Variants in THSD7B observed in about 807,000 individuals in gnomAD.
THSD7B encodes thrombospondin type-1 domain-containing protein 7B.
Under a neutral mutation model 213.6 loss-of-function variants are expected in THSD7B, and 138 were observed. The observed-to-expected ratio is 0.65, with a 90% CI of 0.56 to 0.74. The LOEUF (loss-of-function observed/expected upper bound fraction) is 0.74. THSD7B is among the 30% of genes least tolerant of loss of function. THSD7B has a pLI of 0.00. For missense variants in THSD7B, 1,931 were observed against 1,991.5 expected, an observed-to-expected ratio of 0.97 and a Z score of 0.58; for synonymous variants, 742 against 687.0, an observed-to-expected ratio of 1.08 and a Z score of -1.25.
intron 17 of THSD7B, among the ~76,000 whole-genome samples, chr2:137,591,671 C>T (rs112293568): frequency 4.6e-5 from 7 of 151,952 alleles, no homozygotes; most frequent in African/African-American, 1.4e-4. Flanking sequence ...AGTTGTAGAA[C>T]GACAGCAGTC....
chr2:136,939,371 G>A (rs13391110), intron 2 of THSD7B, among the ~76,000 whole-genome samples: 3,138 of 152,200 alleles, frequency 0.021, 47 homozygotes, highest in Middle Eastern at 0.071. Context: ...AACCTTCCCC[G>A]AAACACAAAT....
intron 12 of THSD7B, among the ~76,000 whole-genome samples, chr2:137,372,445 T>G (rs1176275735): frequency 3.4e-5 from 5 of 149,190 alleles, no homozygotes; most frequent in Non-Finnish European, 7.4e-5. Flanking sequence ...CCGAGGTGGT[T>G]GAGTTACAAC....
intron 12 of THSD7B, among the ~76,000 whole-genome samples, chr2:137,339,651 T>C (rs917613310): frequency 6.6e-6 from 1 of 151,628 alleles, no homozygotes; most frequent in African/African-American, 2.4e-5. Flanking sequence ...GTCATCATCA[T>C]GTGACTCTAG....
intron 27 of THSD7B, among the ~76,000 whole-genome samples, chr2:137,675,909 C>T (rs544399240): frequency 4.6e-5 from 7 of 152,294 alleles, no homozygotes; most frequent in Non-Finnish European, 7.4e-5. Flanking sequence ...TGCCCCATAT[C>T]TTGGGCATCA....
intron 2 of THSD7B, among the ~76,000 whole-genome samples, chr2:137,001,512 A>G (rs1202348658): frequency 6.6e-6 from 1 of 152,130 alleles, no homozygotes; most frequent in Non-Finnish European, 1.5e-5. Context: ...AGACCAATTA[A>G]TTGGTTTTGA....
intron 12 of THSD7B, among the ~76,000 whole-genome samples, chr2:137,365,562 C>T (rs1362318320): frequency 1.3e-5 from 2 of 152,014 alleles, no homozygotes; most frequent in African/African-American, 4.8e-5. Context: ...TCAAACAACC[C>T]ATCAAAAAGT....
intron 15 of THSD7B, among the ~76,000 whole-genome samples, chr2:137,558,466 G>A (rs374523982): frequency 1.1e-4 from 16 of 152,070 alleles, no homozygotes; most frequent in Middle Eastern, 3.4e-3. Flanking sequence ...CAAAAACCAC[G>A]TGATTATCTC....
intron 2 of THSD7B, among the ~76,000 whole-genome samples, chr2:136,893,362 T>C (rs894335778): frequency 6.6e-6 from 1 of 152,264 alleles, no homozygotes; most frequent in African/African-American, 2.4e-5. Flanking sequence ...GGTGAAATTA[T>C]TGGTGGAGAA....
At chr2:136,930,727 TG>T (rs1684613630) in intron 2 of THSD7B, among the ~76,000 whole-genome samples, 1 of 152,184 alleles carries the variant, frequency 6.6e-6, no homozygotes, top group African/African-American at 2.4e-5. Flanking sequence ...AGCCAGTCTT[TG>T]TGTCTGCTCA....
At chr2:137,007,353 A>T (rs961363765) in intron 2 of THSD7B, among the ~76,000 whole-genome samples, 3 of 152,164 alleles carry the variant, frequency 2.0e-5, no homozygotes, top group Non-Finnish European at 4.4e-5. Context: ...GGGATGTTTA[A>T]ATTACACCAT....
intron 3 of THSD7B, among the ~76,000 whole-genome samples, chr2:137,077,899 C>T (rs1687664604): frequency 6.6e-6 from 1 of 152,104 alleles, no homozygotes; most frequent in Non-Finnish European, 1.5e-5. Context: ...AAGTCCTTGT[C>T]CATGCCTATG....
At chr2:137,620,473 A>C (rs1284818802) in intron 19 of THSD7B, 136 bp from the exon 20 acceptor site, 4 of 606,188 alleles carry the variant, frequency 6.6e-6, no homozygotes, top group Admixed American at 3.2e-5. Context: ...AATTTATATA[A>C]GAAAGGATAT....
chr2:137,057,185 G>T lies in THSD7B; in HGVS notation c.905G>T (p.Arg302Leu). The T allele has an allele frequency of 6.2e-7, 1 of 1,613,764 alleles. No individual in the cohort carries two copies. Among genetic ancestry groups the T allele is most frequent in the Non-Finnish European group, 8.5e-7 (1 of 1,179,808 alleles). The change falls in exon 3 of 28, where the codon CGG (arginine) becomes CTG (leucine). Residue 302 changes from arginine (R) to leucine (L), a missense_variant. Arg to Leu is a moderately radical substitution (Grantham distance 102). Transcript: ENST00000409968. The part of the protein sequence containing the change: ...SWAIEIGYQT[R>L]QVSCTRSDGQ... ...GCAATAGAGATAGGTTATCAAACCC[G>T]GCAGGTTTCGTGTACAAGAAGTGAT...
chr2:137,114,522 G>A (rs114267556), intron 4 of THSD7B, among the ~76,000 whole-genome samples: 1,886 of 152,264 alleles, frequency 0.012, 30 homozygotes, highest in African/African-American at 0.041. Context: ...CAGTATGGCT[G>A]CATATGTAAA....
At chr2:137,494,156 A>G (rs1679505947) in intron 15 of THSD7B, among the ~76,000 whole-genome samples, 1 of 152,206 alleles carries the variant, frequency 6.6e-6, no homozygotes, top group Non-Finnish European at 1.5e-5. Context: ...TTCCTGTGGA[A>G]AATAGCTTAC....
intron 27 of THSD7B, among the ~76,000 whole-genome samples, chr2:137,669,586 A>T (rs1288320722): frequency 6.6e-6 from 1 of 152,240 alleles, no homozygotes; most frequent in East Asian, 1.9e-4. Context: ...TAAAACAAGG[A>T]GGAAATTTCT....
At chr2:137,090,721 A>G (rs1687934476) in intron 3 of THSD7B, among the ~76,000 whole-genome samples, 1 of 152,200 alleles carries the variant, frequency 6.6e-6, no homozygotes, top group Non-Finnish European at 1.5e-5. Flanking sequence ...ATTTTCTACG[A>G]AAGGATCAAT....
chr2:137,327,616 A>G (rs1197657669), intron 12 of THSD7B, among the ~76,000 whole-genome samples: 1 of 152,162 alleles, frequency 6.6e-6, no homozygotes, highest in African/African-American at 2.4e-5. Flanking sequence ...CCATCATTAA[A>G]TATTTATTGA....
At chr2:137,136,194 A>T (rs1047981462) in intron 5 of THSD7B, among the ~76,000 whole-genome samples, 1 of 152,136 alleles carries the variant, frequency 6.6e-6, no homozygotes, top group African/African-American at 2.4e-5. Flanking sequence ...GAAATATTTC[A>T]TGTAGGTGAC....
Sources: gnomAD v4.1 joint callset for allele counts (sites outside exome capture counted in the v4.1 genomes callset) on GRCh38, gnomAD v4.1.1 for gene constraint, MANE v1.5 for transcripts, NCBI Gene and HGNC (gene_info 2026-07-23, HGNC 2026-07-21) for gene names.